Variants in ADGRD1 observed in about 807,000 individuals in gnomAD.
ADGRD1 encodes G-protein coupled receptor 133.
ADGRD1 carries 77 observed loss-of-function variants against 113.4 expected under a neutral mutation model. The ratio of observed to expected loss-of-function variants is 0.68; its 90% CI spans 0.57 to 0.82. The LOEUF is 0.82. ADGRD1 is among the 40% of genes least tolerant of loss of function. The probability of loss-of-function intolerance (pLI) is 0.00; values close to 1 mark genes in which losing one functional copy is unlikely to be tolerated. For synonymous variants in ADGRD1, 474 were observed against 475.0 expected, an observed-to-expected ratio of 1.00 and a Z score of 0.03; for missense variants, 1,036 against 1,139.1, an observed-to-expected ratio of 0.91 and a Z score of 1.30.
chr12:131,138,029 C>A, intron 23 of ADGRD1, 108 bp from the exon 24 acceptor site: 1 of 863,332 alleles, frequency 1.2e-6, no homozygotes, highest in Non-Finnish European at 1.9e-6. Flanking sequence ...TTCCAAATCC[C>A]AACCTCCCTC....
At chr12:130,997,680 C>T (rs1375969269) in intron 8 of ADGRD1, among the ~76,000 whole-genome samples, 4 of 150,280 alleles carry the variant, frequency 2.7e-5, no homozygotes, top group Non-Finnish European at 4.4e-5. Flanking sequence ...ATTTCCTAGA[C>T]GGGATGGCGG....
intron 12 of ADGRD1, among the ~76,000 whole-genome samples, chr12:131,013,078 A>G (rs886410058): frequency 6.6e-6 from 1 of 152,164 alleles, no homozygotes; most frequent in African/African-American, 2.4e-5. Flanking sequence ...GCCCAGTGTG[A>G]GCACCTTCTT....
At chr12:131,061,342 G>A (rs1270040479) in intron 13 of ADGRD1, among the ~76,000 whole-genome samples, 2 of 152,112 alleles carry the variant, frequency 1.3e-5, no homozygotes, top group Non-Finnish European at 2.9e-5. Context: ...TGCCGTCCCC[G>A]TCACAGGCTT....
chr12:131,054,949 C>T (rs1177251935), intron 13 of ADGRD1, among the ~76,000 whole-genome samples: 3 of 152,206 alleles, frequency 2.0e-5, no homozygotes, highest in Non-Finnish European at 4.4e-5. Flanking sequence ...TTGGTGCCAA[C>T]GGGCGGTGAG....
intron 14 of ADGRD1, among the ~76,000 whole-genome samples, chr12:131,080,122 CTG>C (rs938451907): frequency 6.6e-6 from 1 of 152,038 alleles, no homozygotes; most frequent in African/African-American, 2.4e-5. Flanking sequence ...TATATTTTTT[CTG>C]TGAGCACTGA....
intron 4 of ADGRD1, among the ~76,000 whole-genome samples, chr12:130,972,599 C>T (rs977247734): frequency 2.6e-5 from 4 of 151,922 alleles, no homozygotes; most frequent in African/African-American, 9.7e-5. Flanking sequence ...CATAAACATC[C>T]CAGGCTTATT....
intron 13 of ADGRD1, among the ~76,000 whole-genome samples, chr12:131,018,237 G>A (rs1355406470): frequency 1.3e-5 from 2 of 152,152 alleles, no homozygotes; most frequent in East Asian, 3.9e-4. Flanking sequence ...AGGAAGGCAG[G>A]GTGGCAGTAA....
chr12:131,061,519 GT>G (rs1456319556), intron 13 of ADGRD1, among the ~76,000 whole-genome samples: 1 of 152,168 alleles, frequency 6.6e-6, no homozygotes, highest in African/African-American at 2.4e-5. Context: ...TGATTTAACT[GT>G]TTTTTTAAAC....
rs1281680526 is a variant in ADGRD1, at chr12:130,954,957, TTC to T, written c.103+303_103+304del. The stretch of plus-strand genomic sequence containing the variant: ...GCCTTCTGCCTCTTTCTTTCTCTCT[TTC>T]TCTCTTTCTTCCTTTCTTCCTTTTT... On this transcript the variant is annotated intron_variant, in intron 2 of 24. Coordinates refer to ENST00000261654, the MANE Select transcript of ADGRD1 (RefSeq NM_198827.5). The surrounding 1 kb of genome is among the most constrained non-coding windows in gnomAD (Gnocchi z 4.7). Among the ~76,000 whole-genome samples, 2 of 151,816 alleles carry T rather than the reference TTC, an allele frequency of 1.3e-5. No homozygotes were observed. The highest frequency in any genetic ancestry group is 4.8e-5 in the African/African-American group (2 of 41,258).
chr12:131,034,089 AAT>A (rs753365894), intron 13 of ADGRD1, among the ~76,000 whole-genome samples: 16 of 152,064 alleles, frequency 1.1e-4, no homozygotes, highest in Non-Finnish European at 8.8e-5. Flanking sequence ...CAGCCAGAGT[AAT>A]ATTCGACGTG....
chr12:131,001,009 G>A (rs1377566331), intron 9 of ADGRD1, among the ~76,000 whole-genome samples: 2 of 152,176 alleles, frequency 1.3e-5, no homozygotes, highest in Admixed American at 6.5e-5. Flanking sequence ...CCTAAACATG[G>A]AAGAAGGAAA....
At chr12:131,102,925 G>A (rs563648867) in intron 15 of ADGRD1, among the ~76,000 whole-genome samples, 62 of 152,292 alleles carry the variant, frequency 4.1e-4, no homozygotes, top group Non-Finnish European at 8.2e-4. Context: ...CTGAGGGGAC[G>A]GGGGCCCCAT....
At chr12:131,002,524 A>G in intron 9 of ADGRD1, 2 of 994,008 alleles carry the variant, frequency 2.0e-6, no homozygotes, top group Non-Finnish European at 2.4e-6. Context: ...GAAGCAGTGA[A>G]GGCAGAGCTC....
chr12:131,034,363 C>T (rs948920956), intron 13 of ADGRD1, among the ~76,000 whole-genome samples: 4 of 152,236 alleles, frequency 2.6e-5, no homozygotes, highest in African/African-American at 9.6e-5. Context: ...TTCCCAGAGT[C>T]GCCACTGCCG....
Position 131,139,424 on chromosome 12 carries a change from AG to A in ADGRD1, c.*162del. Reference sequence around the variant, plus strand: ...CCTCCCCTGTGACTCTGGCTGTCGGAGCACACTGCTCAGCCCAGCAGCCTGA... The same window carrying A: ...CCTCCCCTGTGACTCTGGCTGTCGGACACACTGCTCAGCCCAGCAGCCTGA... On this transcript the variant is annotated 3_prime_UTR_variant, in exon 25 of 25. Transcript: ENST00000261654. 1 of 616,354 alleles carries A rather than the reference AG, an allele frequency of 1.6e-6. No homozygotes were observed. Among genetic ancestry groups the A allele is most frequent in the Non-Finnish European group, 2.9e-6 (1 of 340,464 alleles). 38.2% of individuals were successfully genotyped at this position (616,354 alleles called of 1,614,324 possible).
In ADGRD1 at chr12:131,075,326, G is replaced by A. The variant is rs939317352; in HGVS notation, c.1474-1475G>A. Among the ~76,000 whole-genome samples, 1 of 151,904 alleles carries A rather than the reference G, an allele frequency of 6.6e-6. No homozygotes were observed. Among genetic ancestry groups the A allele is most frequent in the Non-Finnish European group, 1.5e-5 (1 of 67,984 alleles). ...TTGTTCATCTTTTCTATTATGTGAG[G>A]TTGGTGCTGCAGTTTTCCTGCTGAT... On this transcript the variant is annotated intron_variant, in intron 13 of 24. Coordinates refer to ENST00000261654, the MANE Select transcript of ADGRD1 (RefSeq NM_198827.5). The surrounding 1 kb of genome is among the most constrained non-coding windows in gnomAD (Gnocchi z 5.3).
At chr12:130,976,921 G>A (rs1872388313) in intron 4 of ADGRD1, 1 of 152,194 alleles carries the variant, frequency 6.6e-6, no homozygotes, top group Admixed American at 6.5e-5. Context: ...AGCTACTCAG[G>A]AGGCTGAGGT....
chr12:131,081,212 G>A (rs146476413), intron 14 of ADGRD1, among the ~76,000 whole-genome samples: 26 of 152,148 alleles, frequency 1.7e-4, no homozygotes, highest in African/African-American at 4.8e-4. Context: ...TAGCTGGGTC[G>A]TGTCTTTTCT....
chr12:130,964,671 G>A (rs1870808735), intron 2 of ADGRD1, among the ~76,000 whole-genome samples: 1 of 152,316 alleles, frequency 6.6e-6, no homozygotes, highest in African/African-American at 2.4e-5. Context: ...GGCAACAACA[G>A]CGAAGCTCTA....
Sources: gnomAD v4.1 joint callset for allele counts (sites outside exome capture counted in the v4.1 genomes callset) on GRCh38, gnomAD v4.1.1 for gene constraint, Gnocchi (gnomAD v3.1) non-coding constraint, MANE v1.5 for transcripts, NCBI Gene and HGNC (gene_info 2026-07-23, HGNC 2026-07-21) for gene names.